CACNA2D1: variants seen among roughly 807,000 people sequenced by gnomAD.
CACNA2D1 encodes voltage-dependent calcium channel subunit alpha-2/delta-1.
A neutral mutation model predicts 171.5 loss-of-function variants in CACNA2D1; 53 were observed. The observed-to-expected ratio is 0.31, with a 90% CI of 0.25 to 0.39. The LOEUF is 0.39. CACNA2D1 is among the 10% of genes least tolerant of loss of function. The pLI is 1.00. For synonymous variants in CACNA2D1, 442 were observed against 443.1 expected (o/e 1.00, Z 0.03); for missense variants, 903 against 1,299.8 (o/e 0.69, Z 4.69).
intron 6 of CACNA2D1, among the ~76,000 whole-genome samples, chr7:82,097,774 T>G (rs1812073823): frequency 6.6e-6 from 1 of 152,194 alleles, no homozygotes; most frequent in Non-Finnish European, 1.5e-5. Flanking sequence ...TTGACTAAAA[T>G]TATCACTAAA....
intron 6 of CACNA2D1, among the ~76,000 whole-genome samples, chr7:82,110,431 C>T (rs1272982070): frequency 6.6e-6 from 1 of 152,166 alleles, no homozygotes; most frequent in Non-Finnish European, 1.5e-5. Context: ...TCTTACTGGG[C>T]ACCAACCTGC....
intron 3 of CACNA2D1, among the ~76,000 whole-genome samples, chr7:82,230,535 T>C (rs1802819794): frequency 6.6e-6 from 1 of 152,208 alleles, no homozygotes; most frequent in Non-Finnish European, 1.5e-5. Flanking sequence ...ATAAAAATTA[T>C]TCTTTAATTT....
intron 1 of CACNA2D1, chr7:82,410,660 C>G (rs1827545246): frequency 4.5e-6 from 1 of 224,660 alleles, no homozygotes; most frequent in East Asian, 1.8e-4. Context: ...AAGGGCAAAT[C>G]CTGCTCCCAA....
At chr7:82,385,875 G>A (rs965866352) in intron 1 of CACNA2D1, among the ~76,000 whole-genome samples, 1 of 152,022 alleles carries the variant, frequency 6.6e-6, no homozygotes, top group African/African-American at 2.4e-5. Context: ...ATGTTGGCCA[G>A]GCTGGTCTCC....
chr7:82,085,378 G>C (rs1304592526), intron 6 of CACNA2D1, among the ~76,000 whole-genome samples: 2 of 152,064 alleles, frequency 1.3e-5, no homozygotes, highest in Admixed American at 1.3e-4. Flanking sequence ...TAGAATATGA[G>C]GAGAAATGAG....
At chr7:82,280,971 C>T (rs1313269383) in intron 3 of CACNA2D1, among the ~76,000 whole-genome samples, 1 of 152,168 alleles carries the variant, frequency 6.6e-6, no homozygotes, top group African/African-American at 2.4e-5. Flanking sequence ...ATTTGGGTTT[C>T]CTTTAGCTGC....
At chr7:82,307,461 T>C (rs1813886090) in intron 3 of CACNA2D1, among the ~76,000 whole-genome samples, 1 of 150,834 alleles carries the variant, frequency 6.6e-6, no homozygotes, top group African/African-American at 2.4e-5. Context: ...CTGACAAGAA[T>C]TATGTAATTC....
intron 12 of CACNA2D1, among the ~76,000 whole-genome samples, chr7:82,025,673 A>G (rs1034052067): frequency 2.0e-5 from 3 of 151,712 alleles, no homozygotes; most frequent in Admixed American, 6.6e-5. Context: ...TATGATTTCA[A>G]TCTGAATTTG....
chr7:82,093,947 T>A (rs1189662552), intron 6 of CACNA2D1, among the ~76,000 whole-genome samples: 2 of 152,156 alleles, frequency 1.3e-5, no homozygotes, highest in Non-Finnish European at 2.9e-5. Context: ...ATTTAGTGTC[T>A]CCATATAAAT....
At chr7:82,409,729 C>G (rs1357020097) in intron 1 of CACNA2D1, among the ~76,000 whole-genome samples, 1 of 152,184 alleles carries the variant, frequency 6.6e-6, no homozygotes, top group African/African-American at 2.4e-5. Context: ...TGCCTAAGGT[C>G]TCTTTCGCAC....
At chr7:82,094,599 T>A (rs533770861) in intron 6 of CACNA2D1, among the ~76,000 whole-genome samples, 1 of 152,330 alleles carries the variant, frequency 6.6e-6, no homozygotes, top group South Asian at 2.1e-4. Context: ...TCAGCAGATC[T>A]TAATACAGAC....
At chr7:82,374,507 T>C (rs1822782910) in intron 1 of CACNA2D1, among the ~76,000 whole-genome samples, 1 of 152,132 alleles carries the variant, frequency 6.6e-6, no homozygotes, top group South Asian at 2.1e-4. Flanking sequence ...GCGCTCCTCC[T>C]AAGCTTTGAT....
intron 34 of CACNA2D1, 142 bp downstream of exon 34, chr7:81,963,914 C>T: frequency 1.4e-6 from 1 of 690,578 alleles, no homozygotes; most frequent in Non-Finnish European, 2.6e-6. Context: ...TAAATATTAC[C>T]AATAGGTGAT....
chr7:82,118,980 T>C (rs1026107036), intron 5 of CACNA2D1, among the ~76,000 whole-genome samples: 1 of 152,124 alleles, frequency 6.6e-6, no homozygotes, highest in Admixed American at 6.6e-5. Context: ...TATACCATCA[T>C]ACTCCATGTC....
intron 3 of CACNA2D1, among the ~76,000 whole-genome samples, chr7:82,215,612 A>AT (rs1453390520): frequency 2.6e-5 from 4 of 152,118 alleles, no homozygotes; most frequent in Non-Finnish European, 4.4e-5. Context: ...TTTTATAACT[A>AT]TTTTTTAAAT....
intron 4 of CACNA2D1, among the ~76,000 whole-genome samples, chr7:82,152,350 T>C (rs1447697051): frequency 7.4e-6 from 1 of 134,802 alleles, no homozygotes; most frequent in Admixed American, 8.8e-5. Flanking sequence ...AAAAGGTTAA[T>C]ACTTGAGAAA....
At chr7:82,139,648 T>G (rs1422904335) in intron 4 of CACNA2D1, among the ~76,000 whole-genome samples, 1 of 152,172 alleles carries the variant, frequency 6.6e-6, no homozygotes, top group Non-Finnish European at 1.5e-5. Flanking sequence ...GATTCTGGAT[T>G]GCATATAATT....
chr7:82,070,388 T>G (rs979400727), intron 7 of CACNA2D1, among the ~76,000 whole-genome samples: 9 of 152,142 alleles, frequency 5.9e-5, no homozygotes, highest in African/African-American at 2.2e-4. Flanking sequence ...ATGAAAAATC[T>G]GAAATCTTTT....
intron 3 of CACNA2D1, among the ~76,000 whole-genome samples, chr7:82,330,496 A>G (rs1009499713): frequency 2.0e-5 from 3 of 152,116 alleles, no homozygotes; most frequent in African/African-American, 7.2e-5. Context: ...GAAAACAACC[A>G]GCTACATTTA....
Sources: allele counts gnomAD v4.1 joint callset (sites outside exome capture counted in the v4.1 genomes callset), GRCh38; gene constraint gnomAD v4.1.1; transcripts MANE v1.5; gene names NCBI Gene and HGNC (gene_info 2026-07-23, HGNC 2026-07-21).